MYT1: variants seen among roughly 807,000 people sequenced by gnomAD.
MYT1 encodes myelin transcription factor I.
In MYT1, 23 loss-of-function variants were observed where a neutral mutation model predicts 123.0. The ratio of observed to expected loss-of-function variants is 0.19; its 90% CI spans 0.13 to 0.26. MYT1 has a LOEUF of 0.26. MYT1 is among the 10% of genes least tolerant of loss of function. The pLI, the probability that MYT1 is intolerant of heterozygous loss-of-function variation, is 1.00. For missense variants in MYT1, 1,125 were observed against 1,472.5 expected, an observed-to-expected ratio of 0.76 and a Z score of 3.86; for synonymous variants, 518 against 575.3, an observed-to-expected ratio of 0.90 and a Z score of 1.43.
intron 20 of MYT1, 147 bp from the exon 21 acceptor site, chr20:64,237,140 C>T: frequency 1.6e-6 from 1 of 620,694 alleles, no homozygotes; most frequent in South Asian, 2.0e-5. Context: ...GGGTATGAGC[C>T]CCAGAGAGAG....
intron 8 of MYT1, 122 bp from the exon 9 acceptor site, chr20:64,211,926 C>T (rs1033868304): frequency 7.6e-6 from 6 of 787,516 alleles, no homozygotes; most frequent in Middle Eastern, 5.3e-4. Flanking sequence ...CCCCACCTGC[C>T]TACCAAGCAG....
At chr20:64,217,363 C>T (rs1009730965) in intron 11 of MYT1, 82 bp downstream of exon 11, 11 of 1,465,278 alleles carry the variant, frequency 7.5e-6, no homozygotes, top group African/African-American at 1.4e-5. Context: ...GGAGGAGGGA[C>T]CCTCTCGAGG....
At position 64,185,832 on chromosome 20, in the gene MYT1, G is replaced by A. The variant is rs1185749877; in HGVS notation, c.-98-4231G>A. On this transcript the variant is annotated intron_variant, in intron 1 of 22. Coordinates refer to ENST00000328439, the MANE Select transcript of MYT1 (RefSeq NM_004535.3). This position sits in a 1 kb window ranked among gnomAD's most constrained non-coding sequence, Gnocchi z 4.5. ...GGGGTGTTAGCTCTGGGACAAGGGG[G>A]CTCTCCTTGCCATGACGACAGAAGG... 1.3e-5 allele frequency among the ~76,000 whole-genome samples: 2 copies of A among 152,232 alleles called. No individual in the cohort carries two copies. The highest frequency in any genetic ancestry group is 2.9e-5 in the Non-Finnish European group (2 of 68,044).
At chr20:64,206,290 G>A (rs1401229327) in intron 6 of MYT1, among the ~76,000 whole-genome samples, 2 of 152,190 alleles carry the variant, frequency 1.3e-5, no homozygotes, top group African/African-American at 2.4e-5. Context: ...AGCTTCAGGT[G>A]ATTGAGGACC....
chr20:64,195,183 C>G (rs921498866), intron 2 of MYT1, among the ~76,000 whole-genome samples: 3 of 151,982 alleles, frequency 2.0e-5, no homozygotes, highest in African/African-American at 7.3e-5. Context: ...GGATTTGTTA[C>G]AGCTGCAGCC....
intron 1 of MYT1, among the ~76,000 whole-genome samples, chr20:64,169,788 A>G (rs987385648): frequency 7.9e-5 from 12 of 152,166 alleles, no homozygotes; most frequent in African/African-American, 2.9e-4. Flanking sequence ...CGTAAGGGGC[A>G]GAGAAACACG....
chr20:64,204,613 G>C (rs1050270551), intron 4 of MYT1, among the ~76,000 whole-genome samples: 1 of 152,200 alleles, frequency 6.6e-6, no homozygotes, highest in African/African-American at 2.4e-5. Flanking sequence ...TGTTACCCTC[G>C]AGGGCCATAG....
chr20:64,234,563 C>G (rs1984437785), intron 19 of MYT1, among the ~76,000 whole-genome samples: 1 of 152,136 alleles, frequency 6.6e-6, no homozygotes, highest in South Asian at 2.1e-4. Flanking sequence ...GTGGAACATG[C>G]CTTCTGTTAA....
At position 64,167,679 on chromosome 20, in the gene MYT1, G is replaced by A. The variant is rs1205878024; in HGVS notation, c.-99+2940G>A. On this transcript the variant is annotated intron_variant, in intron 1 of 22. Transcript: ENST00000328439. This position sits in a 1 kb window ranked among gnomAD's most constrained non-coding sequence, Gnocchi z 6.3. The stretch of plus-strand genomic sequence containing the variant: ...CCTGTTCTCTTGTAGGAACCTGGGC[G>A]GGAGAGTGGAGCAGGGTGCCCGCAG... Among the ~76,000 whole-genome samples the A allele has an allele frequency of 6.6e-6, 1 of 152,196 alleles. No individual in the cohort carries two copies. Among genetic ancestry groups the A allele is most frequent in the Non-Finnish European group, 1.5e-5 (1 of 68,042 alleles).
intron 1 of MYT1, among the ~76,000 whole-genome samples, chr20:64,187,476 C>G (rs1156311074): frequency 1.3e-5 from 2 of 151,992 alleles, no homozygotes; most frequent in African/African-American, 4.8e-5. Flanking sequence ...GGAGACTTTT[C>G]CTGTAGCCTG....
Position 64,232,172 on chromosome 20 carries a change from T to G in MYT1, c.2684T>G (p.Val895Gly). ...KEDPELMKCPVPGCVGLGHIS... is the reference protein window; with the variant it reads ...KEDPELMKCPGPGCVGLGHIS... ...GGCCTCTCTGTACCCAGGTGCCCAG[T>G]TCCAGGCTGTGTGGGGCTCGGTCAC... The change falls in exon 19 of 23, where the codon GTT (valine) becomes GGT (glycine). Residue 895 changes from valine (V) to glycine (G), a missense_variant. By Grantham distance (109) the Val-to-Gly change is moderately radical. Coordinates refer to ENST00000328439, the MANE Select transcript of MYT1 (RefSeq NM_004535.3). This position sits in a 1 kb window ranked among gnomAD's most constrained non-coding sequence, Gnocchi z 6.9. 1 of 1,612,968 alleles carries G rather than the reference T, an allele frequency of 6.2e-7. No homozygotes were observed. Among genetic ancestry groups the G allele is most frequent in the Non-Finnish European group, 8.5e-7 (1 of 1,179,966 alleles).
At chr20:64,240,276 C>A in intron 22 of MYT1, 44 bp from the exon 23 acceptor site, 1 of 1,599,832 alleles carries the variant, frequency 6.3e-7, no homozygotes, top group South Asian at 1.1e-5. Context: ...CGGTGTGGGG[C>A]CCACTGCATG....
Position 64,167,556 on chromosome 20 carries a change from C to T in MYT1, c.-99+2817C>T, listed in dbSNP as rs980344657. 4.6e-5 allele frequency among the ~76,000 whole-genome samples: 7 copies of T among 152,170 alleles called. No individual in the cohort carries two copies. The highest frequency in any genetic ancestry group is 2.1e-4 in the South Asian group (1 of 4,834). Reference sequence around the variant, plus strand: ...ATCTGCGAGCAGGCAGGGTACTGGACGGTCAGCCAGACTTTCATGTTACTC... The same window carrying T: ...ATCTGCGAGCAGGCAGGGTACTGGATGGTCAGCCAGACTTTCATGTTACTC... On this transcript the variant is annotated intron_variant, in intron 1 of 22. Transcript: ENST00000328439. This position sits in a 1 kb window ranked among gnomAD's most constrained non-coding sequence, Gnocchi z 6.3.
chr20:64,217,075 G>C lies in MYT1; in HGVS notation c.1640G>C (p.Cys547Ser). 1 of 1,613,458 alleles carries C rather than the reference G, an allele frequency of 6.2e-7. No homozygotes were observed. The highest frequency in any genetic ancestry group is 1.7e-4 in the Middle Eastern group (1 of 5,910). Residue 547 changes from cysteine (C) to serine (S), a missense_variant, in exon 11 of 23, where the codon TGC becomes TCC. Transcript: ENST00000328439. ...SNSDRILRPM[C>S]FVKQLEVPPY... Reference sequence around the variant, plus strand: ...CCTGTACTGCACCCCAGGCCCATGTGCTTCGTGAAGCAGCTCGAGGTCCCT... The same window carrying C: ...CCTGTACTGCACCCCAGGCCCATGTCCTTCGTGAAGCAGCTCGAGGTCCCT...
intron 1 of MYT1, among the ~76,000 whole-genome samples, chr20:64,173,660 AT>A: frequency 7.0e-6 from 1 of 142,704 alleles, no homozygotes; most frequent in African/African-American, 2.7e-5. Flanking sequence ...AGTTGTGTCC[AT>A]TTCCCCTCCC....
chr20:64,197,791 C>T (rs998566878), intron 2 of MYT1, among the ~76,000 whole-genome samples: 1 of 152,252 alleles, frequency 6.6e-6, no homozygotes, highest in Non-Finnish European at 1.5e-5. Context: ...CCTGGGGGCT[C>T]CCCCATGACT....
At chr20:64,227,234 C>T (rs1345941984) in intron 16 of MYT1, among the ~76,000 whole-genome samples, 181 bp from the exon 17 acceptor site, 1 of 152,204 alleles carries the variant, frequency 6.6e-6, no homozygotes, top group Non-Finnish European at 1.5e-5. Context: ...CGCATCAGAC[C>T]CCTGTTGCTG....
At chr20:64,177,046 T>C (rs914645040) in intron 1 of MYT1, among the ~76,000 whole-genome samples, 2 of 152,210 alleles carry the variant, frequency 1.3e-5, no homozygotes, top group African/African-American at 4.8e-5. Flanking sequence ...AAACACTTCT[T>C]TGAGACAGCC....
intron 2 of MYT1, among the ~76,000 whole-genome samples, chr20:64,194,072 ACTGT>A (rs2145705468): frequency 6.6e-6 from 1 of 152,180 alleles, no homozygotes; most frequent in East Asian, 1.9e-4. Context: ...GATGTTTCTG[ACTGT>A]CCCCATTTAT....
Sources: allele counts gnomAD v4.1 joint callset (sites outside exome capture counted in the v4.1 genomes callset), GRCh38; gene constraint gnomAD v4.1.1; non-coding constraint Gnocchi (gnomAD v3.1); transcripts MANE v1.5; gene names NCBI Gene and HGNC (gene_info 2026-07-23, HGNC 2026-07-21).